NEBL: variants seen among roughly 807,000 people sequenced by gnomAD.
NEBL encodes nebulette, also known as LIM and SH3 protein 2.
A neutral mutation model predicts 140.2 loss-of-function variants in NEBL; 122 were observed. That is an observed-to-expected ratio of 0.87 (90% confidence interval 0.75 to 1.01). The LOEUF (loss-of-function observed/expected upper bound fraction) is 1.01. Ranked by LOEUF, NEBL falls within the 50% of genes least tolerant of loss-of-function variation. NEBL has a pLI of 0.00. For missense variants in NEBL, 1,365 were observed against 1,231.3 expected (o/e 1.11, Z -1.62); for synonymous variants, 436 against 398.9 (o/e 1.09, Z -1.11).
At chr10:20,902,179 G>A (rs1427297241), upstream of NEBL, among the ~76,000 whole-genome samples, 1 of 151,954 alleles carries the variant, frequency 6.6e-6, no homozygotes, top group Admixed American at 6.6e-5. Flanking sequence ...CGAGACAGGC[G>A]GATCATGAGG....
rs61234594 is a variant in NEBL, at chr10:21,082,535, T to TAAA, written c.165-62337_165-62335dup. On this transcript the variant is annotated intron_variant, in intron 2 of 6. Coordinates refer to the NEBL transcript ENST00000417816. ...AGTTTGAAGTGTTCCCCACCACCAC[T>TAAA]AAAAAAAAAAAAAAAAAAAAAAAAA... Among the ~76,000 whole-genome samples, 41 of 117,282 alleles carry TAAA rather than the reference T, an allele frequency of 3.5e-4. 2 individuals are homozygous for TAAA. The highest frequency in any genetic ancestry group is 1.6e-3 in the African/African-American group (40 of 25,258). 76.9% of individuals were successfully genotyped at this position (117,282 alleles called of 152,430 possible).
intron 2 of NEBL, among the ~76,000 whole-genome samples, chr10:21,055,039 G>T (rs983821645): frequency 2.6e-5 from 4 of 152,196 alleles, no homozygotes; most frequent in Non-Finnish European, 5.9e-5. Flanking sequence ...CTACCCTGAA[G>T]AAGAAAATGT....
Position 20,974,839 on chromosome 10 carries a change from C to T in NEBL, c.250-13060G>A, listed in dbSNP as rs369430626. Among the ~76,000 whole-genome samples the T allele has an allele frequency of 9.9e-4, 150 of 152,138 alleles. 1 individual carries two copies. Among genetic ancestry groups the T allele is most frequent in the African/African-American group, 3.4e-3 (142 of 41,518 alleles). ...TGCTAGTCTGACTTTTAAAAATTAACGTGAATTTTCAACAGGAAAAAAATG... is the reference window on the plus strand; with the variant it reads ...TGCTAGTCTGACTTTTAAAAATTAATGTGAATTTTCAACAGGAAAAAAATG... On this transcript the variant is annotated intron_variant, in intron 3 of 6. Transcript: ENST00000417816.
chr10:20,814,617 T>TACATACAC (rs1554775383), intron 22 of NEBL, among the ~76,000 whole-genome samples: 1 of 146,418 alleles, frequency 6.8e-6, no homozygotes. Context: ...CATACACACA[T>TACATACAC]ACACACACAC....
chr10:21,109,054 A>G (rs2132012446), intron 2 of NEBL, among the ~76,000 whole-genome samples: 1 of 152,196 alleles, frequency 6.6e-6, no homozygotes, highest in Non-Finnish European at 1.5e-5. Flanking sequence ...GAGTGGGGAG[A>G]GAGGGCATCC....
chr10:20,993,930 C>T (rs369257417), intron 3 of NEBL, among the ~76,000 whole-genome samples: 146 of 152,306 alleles, frequency 9.6e-4, no homozygotes, highest in African/African-American at 3.5e-3. Context: ...CACCCATCGT[C>T]ATCTCACCCA....
chr10:20,823,202 G>T lies in NEBL; in HGVS notation c.1962+6C>A. On this transcript the variant is annotated splice_donor_region_variant and intron_variant, in intron 19 of 27. Coordinates refer to ENST00000377122, the MANE Select transcript of NEBL (RefSeq NM_006393.3). ...TTTTTAAAAAATACTTAAGAAATAT[G>T]ATCACATTGCTGATGTTCTTCTGGT... 6.3e-7 allele frequency: 1 copy of T among 1,588,656 alleles called. No homozygotes were observed. Among genetic ancestry groups the T allele is most frequent in the South Asian group, 1.1e-5 (1 of 90,288 alleles).
In NEBL at chr10:21,166,583, G is replaced by A. The variant is rs569092021; in HGVS notation, c.164+5800C>T. Among the ~76,000 whole-genome samples the A allele has an allele frequency of 1.8e-4, 27 of 152,272 alleles. No homozygotes were observed. The South Asian group carries it at 5.4e-3, about 30-fold the overall frequency. ...GGACACTACTGTTTCCTGGAGGTCT[G>A]CCATGTGCCAGACACCAGGCTACGG... On this transcript the variant is annotated intron_variant, in intron 2 of 6. Transcript: ENST00000417816.
intron 2 of NEBL, chr10:21,029,344 T>C (rs1221521419): frequency 2.5e-6 from 4 of 1,611,386 alleles, no homozygotes; most frequent in Non-Finnish European, 3.4e-6. Context: ...TAAGGAATTC[T>C]TTAGAGGATT....
chr10:21,068,422 C>T (rs1835662949), intron 2 of NEBL, among the ~76,000 whole-genome samples: 1 of 152,184 alleles, frequency 6.6e-6, no homozygotes, highest in Admixed American at 6.5e-5. Flanking sequence ...ACAGGGATGG[C>T]CGTGTGACTA....
intron 2 of NEBL, among the ~76,000 whole-genome samples, chr10:21,130,878 T>C (rs1839070934): frequency 6.6e-6 from 1 of 151,496 alleles, no homozygotes; most frequent in Non-Finnish European, 1.5e-5. Context: ...AAAAAAGAAA[T>C]AATAAAAATT....
intron 9 of NEBL, among the ~76,000 whole-genome samples, chr10:20,855,526 A>AAAC (rs771438001): frequency 0.1 from 12,309 of 121,888 alleles, 742 homozygotes; most frequent in East Asian, 0.26. Flanking sequence ...AAAACAAAAC[A>AAAC]AAAAAAAAAC....
intron 11 of NEBL, among the ~76,000 whole-genome samples, chr10:20,849,668 G>A (rs1472379041): frequency 6.6e-6 from 1 of 152,150 alleles, no homozygotes; most frequent in African/African-American, 2.4e-5. Context: ...CTTGGATTTT[G>A]AACTTCCAGC....
At chr10:20,818,133 A>G (rs1448989526) in intron 20 of NEBL, among the ~76,000 whole-genome samples, 1 of 152,144 alleles carries the variant, frequency 6.6e-6, no homozygotes, top group Non-Finnish European at 1.5e-5. Context: ...CCTCCCAGGG[A>G]TATTATAAGG....
chr10:21,169,067 AATATATAT>A (rs1176763018), intron 2 of NEBL, among the ~76,000 whole-genome samples: 322 of 22,974 alleles, frequency 0.014, 9 homozygotes, highest in African/African-American at 0.027. Flanking sequence ...AAAAAAAAAA[AATATATAT>A]ATATATATAT....
chr10:21,123,615 C>T (rs970063389), intron 2 of NEBL, among the ~76,000 whole-genome samples: 2 of 151,948 alleles, frequency 1.3e-5, no homozygotes, highest in Non-Finnish European at 2.9e-5. Flanking sequence ...CACCTGGCTC[C>T]CCTGTATCCA....
At chr10:21,269,091 C>G (rs141177859) in intron 1 of NEBL, among the ~76,000 whole-genome samples, 300 of 152,320 alleles carry the variant, frequency 2.0e-3, no homozygotes, top group Non-Finnish European at 3.3e-3. Flanking sequence ...CTGTGGGGAT[C>G]CCCATTTCCT....
chr10:20,843,952 T>TC (rs1554783241), intron 12 of NEBL, among the ~76,000 whole-genome samples: 1 of 152,018 alleles, frequency 6.6e-6, no homozygotes, highest in Non-Finnish European at 1.5e-5. Flanking sequence ...AACCAACCTC[T>TC]CCCCATCCTC....
intron 5 of NEBL, among the ~76,000 whole-genome samples, chr10:20,873,896 A>C (rs1013472041): frequency 6.6e-6 from 1 of 152,152 alleles, no homozygotes; most frequent in Non-Finnish European, 1.5e-5. Flanking sequence ...ATTTCTTCGA[A>C]TATTTTATTA....
Sources: allele counts gnomAD v4.1 joint callset (sites outside exome capture counted in the v4.1 genomes callset), GRCh38; gene constraint gnomAD v4.1.1; transcripts MANE v1.5; gene names NCBI Gene and HGNC (gene_info 2026-07-23, HGNC 2026-07-21).